The following EFCAB5 variants were observed in gnomAD, a reference collection of about 807,000 sequenced individuals.
EFCAB5 encodes EF-hand calcium binding domain 5.
EFCAB5 carries 131 observed loss-of-function variants against 167.9 expected under a neutral mutation model. The ratio of observed to expected loss-of-function variants is 0.78; its 90% confidence interval spans 0.68 to 0.90. The LOEUF is 0.90. Among genes scored for constraint, EFCAB5 ranks in the 40% least tolerant of loss-of-function variants. EFCAB5 has a pLI of 0.00. For missense variants in EFCAB5, 1,663 were observed against 1,745.2 expected (o/e 0.95, Z 0.84); for synonymous variants, 574 against 602.8 (o/e 0.95, Z 0.70).
At chr17:29,973,765 C>T (rs112395077) in intron 4 of EFCAB5, among the ~76,000 whole-genome samples, 3 of 151,764 alleles carry the variant, frequency 2.0e-5, no homozygotes, top group Admixed American at 6.6e-5. Context: ...CGTGAGCCAC[C>T]GCGCCTGGCC....
intron 6 of EFCAB5, among the ~76,000 whole-genome samples, chr17:29,997,761 A>G (rs1198634088): frequency 6.6e-6 from 1 of 152,150 alleles, no homozygotes; most frequent in East Asian, 1.9e-4. Context: ...TCTATGTGCA[A>G]GAATTCCATG....
At chr17:30,054,261 A>G in intron 10 of EFCAB5, 113 bp downstream of exon 10, 1 of 1,344,118 alleles carries the variant, frequency 7.4e-7, no homozygotes, top group Non-Finnish European at 9.9e-7. Flanking sequence ...ATATCAGATC[A>G]TGCAAACCTC....
At chr17:30,075,039 A>G (rs2070841332) in intron 14 of EFCAB5, among the ~76,000 whole-genome samples, 1 of 152,086 alleles carries the variant, frequency 6.6e-6, no homozygotes, top group African/African-American at 2.4e-5. Context: ...ATGAGTTCAC[A>G]CTGGTAATTC....
intron 13 of EFCAB5, chr17:30,059,049 TC>T (rs1411831935): frequency 6.6e-6 from 1 of 152,084 alleles, no homozygotes; most frequent in Non-Finnish European, 1.5e-5. Context: ...TTATTTTTTT[TC>T]TTCAAAGCCA....
At chr17:29,936,871 A>G (rs1567665321), upstream of EFCAB5, among the ~76,000 whole-genome samples, 1 of 152,244 alleles carries the variant, frequency 6.6e-6, no homozygotes. Context: ...AGAGAGCTAG[A>G]GAAATGATGT....
chr17:29,968,339 G>A (rs556354524), intron 3 of EFCAB5: 13 of 454,322 alleles, frequency 2.9e-5, no homozygotes, highest in Middle Eastern at 3.3e-4. Flanking sequence ...TGGTCTGGGC[G>A]TGGGCATGTA....
intron 8 of EFCAB5, among the ~76,000 whole-genome samples, chr17:30,045,331 G>T (rs1461515484): frequency 6.6e-6 from 1 of 151,842 alleles, no homozygotes; most frequent in Non-Finnish European, 1.5e-5. Flanking sequence ...GGTGGCACGT[G>T]CCTGTAGTCC....
chr17:30,068,043 C>G (rs141231931), intron 14 of EFCAB5, among the ~76,000 whole-genome samples: 2 of 152,202 alleles, frequency 1.3e-5, no homozygotes, highest in African/African-American at 4.8e-5. Flanking sequence ...CGGTGGCTCA[C>G]GCCTGTAATC....
Position 30,047,788 on chromosome 17 carries a change from A to G in EFCAB5, c.1201-3330A>G, listed in dbSNP as rs117733360. Among the ~76,000 whole-genome samples the G allele has an allele frequency of 4.6e-3, 699 of 152,356 alleles. 2 individuals carry two copies. The highest frequency in any genetic ancestry group is 8.2e-3 in the Non-Finnish European group (556 of 68,016). On this transcript the variant is annotated intron_variant, in intron 8 of 22. Transcript: ENST00000394835. ...AAAAGCACTAACTATAGGTCCAGAA[A>G]CATGAGTTGAGATACCACAATGGAG...
At chr17:29,958,135 G>A (rs1300363372) in intron 3 of EFCAB5, among the ~76,000 whole-genome samples, 1 of 152,046 alleles carries the variant, frequency 6.6e-6, no homozygotes, top group Non-Finnish European at 1.5e-5. Flanking sequence ...AGAAATATTG[G>A]CCTGTAATTT....
At chr17:30,022,517 C>T (rs2069205776) in intron 7 of EFCAB5, among the ~76,000 whole-genome samples, 1 of 152,026 alleles carries the variant, frequency 6.6e-6, no homozygotes, top group South Asian at 2.1e-4. Flanking sequence ...TTCATTGCTG[C>T]TGAGGGATGC....
chr17:30,061,124 CCAGCA>C (rs1343325999), intron 14 of EFCAB5, among the ~76,000 whole-genome samples: 1 of 152,052 alleles, frequency 6.6e-6, no homozygotes, highest in Non-Finnish European at 1.5e-5. Flanking sequence ...AGGATTAAGC[CCAGCA>C]AATGAGAACC....
At chr17:30,055,123 C>G (rs117430045) in intron 10 of EFCAB5, among the ~76,000 whole-genome samples, 2 of 151,678 alleles carry the variant, frequency 1.3e-5, no homozygotes, top group Admixed American at 1.3e-4. Flanking sequence ...CATGGCGAAA[C>G]GCCATCTCAA....
chr17:30,085,719 C>CAAAAAA (rs60700223), intron 18 of EFCAB5, among the ~76,000 whole-genome samples: 10 of 125,472 alleles, frequency 8.0e-5, no homozygotes, highest in African/African-American at 2.5e-4. Flanking sequence ...GACTCCGTCT[C>CAAAAAA]AAAAAAAAAA....
At chr17:30,068,901 A>C in intron 14 of EFCAB5, 1 of 1,538,674 alleles carries the variant, frequency 6.5e-7, no homozygotes, top group East Asian at 2.2e-5. Flanking sequence ...TGACAGACAC[A>C]GAACGAGACC....
intron 3 of EFCAB5, among the ~76,000 whole-genome samples, chr17:29,953,740 AG>A (rs2067557523): frequency 1.3e-5 from 2 of 152,378 alleles, no homozygotes; most frequent in East Asian, 3.9e-4. Flanking sequence ...GAAATGTGGA[AG>A]CGACTTTGGA....
intron 8 of EFCAB5, among the ~76,000 whole-genome samples, chr17:30,040,157 G>A (rs913427272): frequency 1.3e-5 from 2 of 152,186 alleles, no homozygotes; most frequent in African/African-American, 4.8e-5. Context: ...TCTTTCTCAA[G>A]ATTCCACCGC....
intron 8 of EFCAB5, among the ~76,000 whole-genome samples, chr17:30,048,399 T>C (rs903358188): frequency 2.6e-5 from 4 of 151,674 alleles, no homozygotes; most frequent in Non-Finnish European, 5.9e-5. Context: ...CAGAGATAGA[T>C]ATGAAAATAT....
chr17:30,043,697 A>G (rs2069839397), intron 8 of EFCAB5, among the ~76,000 whole-genome samples: 1 of 152,258 alleles, frequency 6.6e-6, no homozygotes, highest in Admixed American at 6.5e-5. Context: ...GCTGAAAACT[A>G]TGAAATTTGC....
Sources: allele counts gnomAD v4.1 joint callset (sites outside exome capture counted in the v4.1 genomes callset), GRCh38; gene constraint gnomAD v4.1.1; transcripts MANE v1.5; gene names NCBI Gene and HGNC (gene_info 2026-07-23, HGNC 2026-07-21).